SCHIP1: variants seen among roughly 807,000 people sequenced by gnomAD.
The protein encoded by SCHIP1 is schwannomin interacting protein 1, also known as schwannomin-interacting protein 1.
A neutral mutation model predicts 29.7 loss-of-function variants in SCHIP1; 8 were observed. That is an observed-to-expected ratio of 0.27 (90% confidence interval 0.16 to 0.49). The LOEUF is 0.49. SCHIP1 is among the 20% of genes least tolerant of loss of function. SCHIP1 has a pLI of 0.99. For synonymous variants in SCHIP1, 76 were observed against 94.9 expected, an observed-to-expected ratio of 0.80 and a Z score of 1.16; for missense variants, 193 against 294.6, an observed-to-expected ratio of 0.66 and a Z score of 2.52.
the SCHIP1 span, among the ~76,000 whole-genome samples, chr3:159,427,011 A>G: frequency 6.6e-6 from 1 of 152,228 alleles, no homozygotes; most frequent in Admixed American, 6.5e-5. Flanking sequence ...CTCTCAATAA[A>G]TTAGGTATTG....
chr3:159,889,221 C>T (rs1025086969), intron 5 of SCHIP1, among the ~76,000 whole-genome samples: 8 of 152,220 alleles, frequency 5.3e-5, no homozygotes, highest in African/African-American at 1.4e-4. Context: ...TGACTTACAA[C>T]ACCTGTTTCT....
At chr3:159,720,773 C>T in the SCHIP1 span, among the ~76,000 whole-genome samples, 2 of 151,936 alleles carry the variant, frequency 1.3e-5, no homozygotes, top group African/African-American at 2.4e-5. Flanking sequence ...TTAGTAGAGA[C>T]GGGGTTTTGC....
the SCHIP1 span, among the ~76,000 whole-genome samples, chr3:159,382,572 T>C: frequency 2.0e-5 from 3 of 152,154 alleles, no homozygotes; most frequent in East Asian, 5.8e-4. Context: ...AACATACGTG[T>C]GCATGTGTCT....
the SCHIP1 span, among the ~76,000 whole-genome samples, chr3:159,301,892 A>G: frequency 6.6e-6 from 1 of 152,208 alleles, no homozygotes. Context: ...AAAAAACTTC[A>G]TTATATCTGA....
chr3:159,670,627 G>C, the SCHIP1 span, among the ~76,000 whole-genome samples: 1 of 152,076 alleles, frequency 6.6e-6, no homozygotes, highest in East Asian at 1.9e-4. Context: ...GACAATTAAT[G>C]TGTTTACTTT....
At chr3:159,480,724 A>G in the SCHIP1 span, among the ~76,000 whole-genome samples, 6 of 152,238 alleles carry the variant, frequency 3.9e-5, no homozygotes, top group Non-Finnish European at 8.8e-5. Flanking sequence ...GGTTTGACTC[A>G]TGATAACCTA....
the SCHIP1 span, among the ~76,000 whole-genome samples, chr3:159,570,590 CTTTG>C: frequency 6.6e-6 from 1 of 152,122 alleles, no homozygotes; most frequent in African/African-American, 2.4e-5. Flanking sequence ...ATGCCTCCAG[CTTTG>C]TTCTTTTTGC....
At chr3:159,481,946 T>C in the SCHIP1 span, among the ~76,000 whole-genome samples, 2 of 152,016 alleles carry the variant, frequency 1.3e-5, no homozygotes, top group Non-Finnish European at 1.5e-5. Flanking sequence ...AGAAAAATAA[T>C]AGAATGGCAG....
chr3:159,769,623 G>A, the SCHIP1 span, among the ~76,000 whole-genome samples: 6 of 152,148 alleles, frequency 3.9e-5, no homozygotes, highest in South Asian at 2.1e-4. Context: ...GGTGGCGGGC[G>A]CCTGTAATCC....
At chr3:159,825,430 A>G in the SCHIP1 span, among the ~76,000 whole-genome samples, 8 of 152,310 alleles carry the variant, frequency 5.3e-5, no homozygotes, top group East Asian at 1.5e-3. Context: ...AGGTCTTGCC[A>G]GGCTTAGCTC....
the SCHIP1 span, among the ~76,000 whole-genome samples, chr3:159,831,484 C>T: frequency 6.6e-6 from 1 of 152,082 alleles, no homozygotes; most frequent in Non-Finnish European, 1.5e-5. Context: ...CCTATACATA[C>T]CTATTATAAA....
At chr3:159,381,885 A>G in the SCHIP1 span, among the ~76,000 whole-genome samples, 2 of 152,184 alleles carry the variant, frequency 1.3e-5, no homozygotes, top group Non-Finnish European at 2.9e-5. Flanking sequence ...GGCGTGAGCC[A>G]CTGTGTCCAG....
chr3:159,438,587 C>A, the SCHIP1 span, among the ~76,000 whole-genome samples: 3 of 152,064 alleles, frequency 2.0e-5, no homozygotes, highest in Non-Finnish European at 4.4e-5. Context: ...TCCCATCACC[C>A]AGGTATTAAG....
the SCHIP1 span, among the ~76,000 whole-genome samples, chr3:159,488,358 AT>A: frequency 6.6e-6 from 1 of 152,312 alleles, no homozygotes; most frequent in Non-Finnish European, 1.5e-5. Flanking sequence ...CAAAGAAAGG[AT>A]AAATGCTTGA....
chr3:159,707,629 G>C, the SCHIP1 span, among the ~76,000 whole-genome samples: 1 of 152,128 alleles, frequency 6.6e-6, no homozygotes, highest in African/African-American at 2.4e-5. Flanking sequence ...TTAATAGTAG[G>C]TAGTGTGAAC....
chr3:159,376,024 A>G, the SCHIP1 span, among the ~76,000 whole-genome samples: 1 of 152,136 alleles, frequency 6.6e-6, no homozygotes, highest in South Asian at 2.1e-4. Flanking sequence ...TTGTTCCATG[A>G]ATCAACTAAC....
chr3:159,346,879 T>C, the SCHIP1 span, among the ~76,000 whole-genome samples: 1 of 152,146 alleles, frequency 6.6e-6, no homozygotes, highest in African/African-American at 2.4e-5. Flanking sequence ...CTGGGGGATA[T>C]CAGTTTCAGG....
the SCHIP1 span, among the ~76,000 whole-genome samples, chr3:159,307,076 C>T: frequency 6.6e-6 from 1 of 152,068 alleles, no homozygotes; most frequent in Non-Finnish European, 1.5e-5. Flanking sequence ...ATGAGATATA[C>T]ATAAATATCC....
At chr3:159,454,084 G>A in the SCHIP1 span, among the ~76,000 whole-genome samples, 2 of 152,172 alleles carry the variant, frequency 1.3e-5, no homozygotes, top group African/African-American at 4.8e-5. Flanking sequence ...AGCTGATTTT[G>A]TTTCATTTCA....
Sources: gnomAD v4.1 joint callset for allele counts (sites outside exome capture counted in the v4.1 genomes callset) on GRCh38, gnomAD v4.1.1 for gene constraint, MANE v1.5 for transcripts, NCBI Gene and HGNC (gene_info 2026-07-23, HGNC 2026-07-21) for gene names.